The following CADPS2 variants were observed in gnomAD, a reference collection of about 807,000 sequenced individuals.
The protein encoded by CADPS2 is calcium-dependent secretion activator 2.
A neutral mutation model predicts 172.5 loss-of-function variants in CADPS2; 93 were observed. That is an observed-to-expected ratio of 0.54 (90% confidence interval 0.46 to 0.64). The LOEUF is 0.64. CADPS2 is among the 30% of genes least tolerant of loss of function. The probability of loss-of-function intolerance (pLI) is 0.00; values close to 1 mark genes in which losing one functional copy is unlikely to be tolerated. For missense variants in CADPS2, 1,420 were observed against 1,565.9 expected (o/e 0.91, Z 1.57); for synonymous variants, 546 against 555.2 (o/e 0.98, Z 0.23).
At chr7:122,538,455 T>C (rs939604245) in intron 8 of CADPS2, among the ~76,000 whole-genome samples, 6 of 150,816 alleles carry the variant, frequency 4.0e-5, no homozygotes, top group Admixed American at 6.6e-5. Context: ...TCAGATAAAT[T>C]GAAGGGTATT....
chr7:122,781,075 A>G (rs1792581836), intron 1 of CADPS2, among the ~76,000 whole-genome samples: 1 of 152,198 alleles, frequency 6.6e-6, no homozygotes, highest in South Asian at 2.1e-4. Flanking sequence ...ATTATTAATT[A>G]ATACTTTCTT....
chr7:122,597,179 TG>T (rs1274912586), intron 6 of CADPS2, among the ~76,000 whole-genome samples: 1 of 152,066 alleles, frequency 6.6e-6, no homozygotes, highest in South Asian at 2.1e-4. Flanking sequence ...ACATGAGGCT[TG>T]GGGGGTCAAA....
At chr7:122,415,141 A>G (rs2047731066) in intron 18 of CADPS2, among the ~76,000 whole-genome samples, 1 of 152,234 alleles carries the variant, frequency 6.6e-6, no homozygotes, top group African/African-American at 2.4e-5. Flanking sequence ...TTAAAAAATT[A>G]TAAACAATAC....
At chr7:122,701,481 C>G (rs139011944) in intron 2 of CADPS2, among the ~76,000 whole-genome samples, 1 of 152,066 alleles carries the variant, frequency 6.6e-6, no homozygotes, top group Non-Finnish European at 1.5e-5. Flanking sequence ...TGGAGATATA[C>G]CTAATGTTAA....
intron 17 of CADPS2, among the ~76,000 whole-genome samples, chr7:122,435,483 A>G (rs963480429): frequency 5.3e-5 from 8 of 152,158 alleles, no homozygotes; most frequent in Non-Finnish European, 1.2e-4. Flanking sequence ...TGGGACGACT[A>G]TTATTTAAAA....
At chr7:122,331,961 C>T (rs1284601864) in intron 28 of CADPS2, 1 of 152,152 alleles carries the variant, frequency 6.6e-6, no homozygotes, top group African/African-American at 2.4e-5. Context: ...TAGTTCGGTG[C>T]TTCTAGCAGA....
chr7:122,685,491 C>T (rs940677092), intron 2 of CADPS2, among the ~76,000 whole-genome samples: 2 of 152,258 alleles, frequency 1.3e-5, no homozygotes, highest in African/African-American at 4.8e-5. Context: ...TACTATCCTA[C>T]TGGCTCTCCT....
intron 7 of CADPS2, among the ~76,000 whole-genome samples, chr7:122,565,213 C>T (rs930478006): frequency 2.0e-5 from 3 of 150,818 alleles, no homozygotes; most frequent in Admixed American, 2.0e-4. Context: ...GCACTTATAC[C>T]CCCTGAATTT....
chr7:122,438,868 G>C (rs2050994001), intron 16 of CADPS2, among the ~76,000 whole-genome samples: 1 of 151,370 alleles, frequency 6.6e-6, no homozygotes, highest in African/African-American at 2.4e-5. Flanking sequence ...TGAGTCTTTT[G>C]AGCAATATAT....
At chr7:122,700,591 CATT>C (rs1305108445) in intron 2 of CADPS2, among the ~76,000 whole-genome samples, 5 of 152,064 alleles carry the variant, frequency 3.3e-5, no homozygotes, top group African/African-American at 1.2e-4. Flanking sequence ...TTCTGTCTCT[CATT>C]GTTATATAGG....
At chr7:122,571,569 T>C (rs576018825) in intron 7 of CADPS2, among the ~76,000 whole-genome samples, 1 of 152,104 alleles carries the variant, frequency 6.6e-6, no homozygotes, top group Non-Finnish European at 1.5e-5. Context: ...GCAACAACTT[T>C]CAAAGTCAGG....
intron 2 of CADPS2, among the ~76,000 whole-genome samples, chr7:122,730,247 T>C (rs989374265): frequency 6.6e-6 from 1 of 151,734 alleles, no homozygotes; most frequent in African/African-American, 2.4e-5. Flanking sequence ...ACTTCACTAA[T>C]AGCAAATAAT....
intron 25 of CADPS2, among the ~76,000 whole-genome samples, chr7:122,371,406 G>C (rs1270381508): frequency 6.6e-6 from 1 of 152,202 alleles, no homozygotes; most frequent in Admixed American, 6.5e-5. Context: ...TCACAGGGCA[G>C]CAGGATGGAG....
intron 6 of CADPS2, among the ~76,000 whole-genome samples, chr7:122,582,414 C>T (rs186446758): frequency 6.6e-6 from 1 of 151,914 alleles, no homozygotes; most frequent in Non-Finnish European, 1.5e-5. Context: ...AAGAAACTGG[C>T]ATCTAGATGC....
intron 1 of CADPS2, among the ~76,000 whole-genome samples, chr7:122,837,165 C>T (rs1436871874): frequency 1.3e-5 from 2 of 152,290 alleles, no homozygotes; most frequent in South Asian, 2.1e-4. Flanking sequence ...GAACAACCTG[C>T]TCCTGAATGA....
At chr7:122,340,343 T>C (rs577271581) in intron 28 of CADPS2, among the ~76,000 whole-genome samples, 17 of 152,328 alleles carry the variant, frequency 1.1e-4, no homozygotes, top group Middle Eastern at 3.4e-3. Flanking sequence ...TACCCTGATG[T>C]GTCTTCAGCA....
intron 1 of CADPS2, among the ~76,000 whole-genome samples, chr7:122,820,471 T>C (rs1343344156): frequency 2.0e-5 from 3 of 151,036 alleles, no homozygotes; most frequent in Non-Finnish European, 4.4e-5. Flanking sequence ...ATGGTTAGTG[T>C]GGTCAGAATT....
At chr7:122,585,605 T>G (rs1438536997) in intron 6 of CADPS2, 1 of 151,998 alleles carries the variant, frequency 6.6e-6, no homozygotes, top group African/African-American at 2.4e-5. Flanking sequence ...CTTCCCATTT[T>G]CTCAATATTT....
chr7:122,404,429 T>C (rs951324040), intron 20 of CADPS2, among the ~76,000 whole-genome samples: 1 of 152,178 alleles, frequency 6.6e-6, no homozygotes, highest in African/African-American at 2.4e-5. Flanking sequence ...TCTTTGCTAT[T>C]GTGAATAGTG....
Sources: allele counts gnomAD v4.1 joint callset (sites outside exome capture counted in the v4.1 genomes callset), GRCh38; gene constraint gnomAD v4.1.1; transcripts MANE v1.5; gene names NCBI Gene and HGNC (gene_info 2026-07-23, HGNC 2026-07-21).